The following ATRAID variants were observed in gnomAD, a reference collection of about 807,000 sequenced individuals.
ATRAID encodes all-trans retinoic acid induced differentiation factor.
A neutral mutation model predicts 28.8 loss-of-function variants in ATRAID; 26 were observed. That is an observed-to-expected ratio of 0.90 (90% CI 0.66 to 1.25). ATRAID has a LOEUF of 1.25. ATRAID is among the 50% of genes most tolerant of loss of function. The probability of loss-of-function intolerance (pLI) is 0.00; values close to 1 mark genes in which losing one functional copy is unlikely to be tolerated. For missense variants in ATRAID, 308 were observed against 285.9 expected, an observed-to-expected ratio of 1.08 and a Z score of -0.56; for synonymous variants, 131 against 108.5, an observed-to-expected ratio of 1.21 and a Z score of -1.29.
In ATRAID at chr2:27,212,077, C is replaced by T. The variant is rs1482312372; in HGVS notation, c.-292C>T. 15 of 1,294,720 alleles carry T rather than the reference C, an allele frequency of 1.2e-5. No homozygotes were observed. Among genetic ancestry groups the T allele is most frequent in the Non-Finnish European group, 1.0e-5 (10 of 968,510 alleles). The allele number at this position is 1,294,720 out of a possible 1,614,324, so 80.2% of individuals were successfully genotyped here. ...AAGCCGCGACCTCGGCGTCCGGACG[C>T]GGGGAACACCGGGCTGAGGGAGTCT... On this transcript the variant is annotated 5_prime_UTR_variant, in exon 1 of 7. Coordinates refer to ENST00000380171, the MANE Select transcript of ATRAID (RefSeq NM_001170795.4).
chr2:27,215,520 C>A lies in ATRAID; in HGVS notation c.340C>A (p.Arg114Ser). Reference protein sequence around the residue: ...PLKGDLANTFRGFTQLQTLIL... With the variant: ...PLKGDLANTFSGFTQLQTLIL... ...CAAAGGTGACTTGGCCAACACCTTC[C>A]GTGGCTTTACTCAGCTCCAGACTCT... is the stretch of plus-strand genomic sequence containing the variant. Residue 114 changes from arginine (R) to serine (S), a missense_variant, in exon 4 of 7, where the codon CGT becomes AGT. Physicochemically the swap from Arg to Ser is moderately radical, Grantham distance 110 (BLOSUM62 -1). Coordinates refer to ENST00000380171, the MANE Select transcript of ATRAID (RefSeq NM_001170795.4). 1 of 1,614,190 alleles carries A rather than the reference C, an allele frequency of 6.2e-7. No homozygotes were observed.
intron 5 of ATRAID, 77 bp from the exon 6 acceptor site, chr2:27,216,446 A>C: frequency 8.9e-7 from 1 of 1,129,842 alleles, no homozygotes. Context: ...GAGAGAATCT[A>C]AGTTGAAACA....
In ATRAID at chr2:27,212,142, C is replaced by G. The variant is rs1484741363; in HGVS notation, c.-227C>G. The G allele has an allele frequency of 6.6e-7, 1 of 1,522,862 alleles. No homozygotes were observed. The highest frequency in any genetic ancestry group is 1.4e-5 in the African/African-American group (1 of 70,334). The allele number at this position is 1,522,862 out of a possible 1,614,324, so 94.3% of individuals were successfully genotyped here. The stretch of plus-strand genomic sequence containing the variant: ...GAAGCCGCGCGGCGACGGGGGAGGC[C>G]TTCACTAAAGGGGAAAAGGAAGAGG... On this transcript the variant is annotated 5_prime_UTR_variant, in exon 1 of 7. Transcript: ENST00000380171.
intron 2 of ATRAID, among the ~76,000 whole-genome samples, chr2:27,214,389 T>C (rs978988410): frequency 1.4e-5 from 2 of 144,636 alleles, no homozygotes; most frequent in African/African-American, 5.2e-5. Flanking sequence ...AGAAAATACA[T>C]GTGGAAAAAA....
chr2:27,214,450 C>A (rs922570672), intron 2 of ATRAID, among the ~76,000 whole-genome samples: 3 of 151,492 alleles, frequency 2.0e-5, no homozygotes, highest in African/African-American at 7.3e-5. Context: ...CTCTGTGGAT[C>A]TGAAAATCAT....
rs1327601343 is a variant in ATRAID at position 27,212,417 on chromosome 2, G to A, written c.49G>A (p.Ala17Thr). ...TCTTACGACCCTGGTGCCCTGGGCT[G>A]CCGCCCTGCTCCTCGCTCTGGGCGT... ...GSLTTLVPWAAALLLALGVER... is the reference protein window; with the variant it reads ...GSLTTLVPWATALLLALGVER... Residue 17 changes from alanine (A) to threonine (T), a missense_variant, in exon 1 of 7, where the codon GCC becomes ACC. Ala to Thr is a moderately conservative substitution (Grantham distance 58). Coordinates refer to ENST00000380171, the MANE Select transcript of ATRAID (RefSeq NM_001170795.4). The A allele has an allele frequency of 1.3e-6, 2 of 1,554,308 alleles. No individual in the cohort carries two copies. The highest frequency in any genetic ancestry group is 2.4e-5 in the East Asian group (1 of 41,094).
At chr2:27,216,734 A>G (rs1674855760) in intron 6 of ATRAID, 110 bp from the exon 7 acceptor site, 1 of 1,429,064 alleles carries the variant, frequency 7.0e-7, no homozygotes, top group Non-Finnish European at 9.8e-7. Flanking sequence ...GTGGAAAACT[A>G]TAGAATTGCC....
At position 27,216,990 on chromosome 2, in the gene ATRAID, ATC is replaced by A; in HGVS notation, c.*44_*45del. 1 of 1,509,414 alleles carries A rather than the reference ATC, an allele frequency of 6.6e-7. No individual in the cohort carries two copies. The highest frequency in any genetic ancestry group is 9.1e-7 in the Non-Finnish European group (1 of 1,102,346). 93.5% of individuals were successfully genotyped at this position (1,509,414 alleles called of 1,614,324 possible). A position where few individuals can be genotyped will look rare whatever the true frequency, so the allele number is the denominator to read the frequency against. On this transcript the variant is annotated 3_prime_UTR_variant, in exon 7 of 7. Transcript: ENST00000380171. ...CATTGACCTAAGATCAATCTGAACTATCTTAGCCCAGTCAGGGAGCTCTGCTT... is the reference window on the plus strand; with the variant it reads ...CATTGACCTAAGATCAATCTGAACTATTAGCCCAGTCAGGGAGCTCTGCTT...
At position 27,215,472 on chromosome 2, in the gene ATRAID, A is replaced by G; in HGVS notation, c.294-2A>G. The G allele has an allele frequency of 1.2e-6, 2 of 1,614,198 alleles. No individual in the cohort carries two copies. The highest frequency in any genetic ancestry group is 8.5e-7 in the Non-Finnish European group (1 of 1,180,024). On this transcript the variant is annotated splice_acceptor_variant, in intron 3 of 6. Coordinates refer to ENST00000380171, the MANE Select transcript of ATRAID (RefSeq NM_001170795.4). LOFTEE classifies it high-confidence loss of function. ...AAAGTGCTAACATTGTGTACTTTGC[A>G]GAGACCTGCAAGCAAACCCCCTCAA...
intron 5 of ATRAID, 128 bp from the exon 6 acceptor site, chr2:27,216,395 T>A: frequency 2.5e-6 from 2 of 787,278 alleles, no homozygotes; most frequent in South Asian, 3.2e-5. Context: ...ACTGTTTTTA[T>A]CTGTAATTTT....
intron 5 of ATRAID, chr2:27,216,275 T>C (rs1156270560): frequency 4.2e-6 from 2 of 480,996 alleles, no homozygotes; most frequent in African/African-American, 2.0e-5. Flanking sequence ...TTAAGGCTAT[T>C]TTCATTTCTT....
At chr2:27,213,955 A>T (rs528751952) in intron 2 of ATRAID, among the ~76,000 whole-genome samples, 47 of 152,180 alleles carry the variant, frequency 3.1e-4, no homozygotes, top group Non-Finnish European at 5.3e-4. Context: ...TTATTTATTT[A>T]TTTTTTTGAG....
rs1674619129 is a variant in ATRAID, at chr2:27,212,483, T to G, written c.99+16T>G. On this transcript the variant is annotated intron_variant, in intron 1 of 6. Transcript: ENST00000380171. Reference sequence around the variant, plus strand: ...GCTACCCGAGGTACAGAAGCAAGTTTGAGGTCGGGCTGAAGCAGGGTCGCT... The same window carrying G: ...GCTACCCGAGGTACAGAAGCAAGTTGGAGGTCGGGCTGAAGCAGGGTCGCT... 1 of 1,557,164 alleles carries G rather than the reference T, an allele frequency of 6.4e-7. No homozygotes were observed. The highest frequency in any genetic ancestry group is 2.0e-5 in the Admixed American group (1 of 50,700).
intron 1 of ATRAID, 94 bp from the exon 2 acceptor site, chr2:27,213,083 C>G (rs1402496133): frequency 6.7e-6 from 10 of 1,501,052 alleles, no homozygotes; most frequent in Non-Finnish European, 6.4e-6. Context: ...TAGAGGAATT[C>G]TGGAAACGTG....
At chr2:27,214,153 A>G (rs1047029229) in intron 2 of ATRAID, among the ~76,000 whole-genome samples, 4 of 152,194 alleles carry the variant, frequency 2.6e-5, no homozygotes, top group African/African-American at 9.7e-5. Context: ...TTTAATGTTT[A>G]CAGTGCTTTT....
chr2:27,212,175 C>A lies in ATRAID; in HGVS notation c.-194C>A. On this transcript the variant is annotated 5_prime_UTR_variant, in exon 1 of 7. Transcript: ENST00000380171. Reference sequence around the variant, plus strand: ...AAGGGGAAAAGGAAGAGGGGGTCGGCCAGTATCCCCGAAAGAGGGCTAGGG... The same window carrying A: ...AAGGGGAAAAGGAAGAGGGGGTCGGACAGTATCCCCGAAAGAGGGCTAGGG... 1 of 1,537,704 alleles carries A rather than the reference C, an allele frequency of 6.5e-7. No homozygotes were observed. Among genetic ancestry groups the A allele is most frequent in the Non-Finnish European group, 8.7e-7 (1 of 1,143,158 alleles).
chr2:27,216,988 C>G lies in ATRAID; in HGVS notation c.*40C>G, dbSNP rs757473591. 1.2e-5 allele frequency: 18 copies of G among 1,520,114 alleles called. No homozygotes were observed. In the Admixed American group the frequency reaches 2.7e-4, roughly 23 times the overall value. The allele number at this position is 1,520,114 out of a possible 1,614,324, so 94.2% of individuals were successfully genotyped here. On this transcript the variant is annotated 3_prime_UTR_variant, in exon 7 of 7. Coordinates refer to ENST00000380171, the MANE Select transcript of ATRAID (RefSeq NM_001170795.4). ...ACCATTGACCTAAGATCAATCTGAA[C>G]TATCTTAGCCCAGTCAGGGAGCTCT...
rs1186181009 is a variant in ATRAID, at chr2:27,213,247, A to G, written c.170A>G (p.Glu57Gly). 1.2e-6 allele frequency: 2 copies of G among 1,614,180 alleles called. No individual in the cohort carries two copies. The highest frequency in any genetic ancestry group is 4.5e-5 in the East Asian group (2 of 44,892). ...GCCTTTTATTGTAAAACGACACGAG[A>G]GCTAATGCTGCATGCCCGTTGCTGC... The part of the protein sequence containing the change: ...KVAFYCKTTR[E>G]LMLHARCCLN... Residue 57 changes from glutamate to glycine, a missense_variant, in exon 2 of 7, where the codon GAG becomes GGG. Coordinates refer to ENST00000380171, the MANE Select transcript of ATRAID (RefSeq NM_001170795.4).
chr2:27,212,783 G>T, intron 1 of ATRAID: 1 of 694,340 alleles, frequency 1.4e-6, no homozygotes. Flanking sequence ...CATATATCGT[G>T]CGGTGGTAGG....
Sources: allele counts gnomAD v4.1 joint callset (sites outside exome capture counted in the v4.1 genomes callset), GRCh38; gene constraint gnomAD v4.1.1; transcripts MANE v1.5; gene names NCBI Gene and HGNC (gene_info 2026-07-23, HGNC 2026-07-21).